The following LRRD1 variants were observed in gnomAD, a reference collection of about 807,000 sequenced individuals.
LRRD1 encodes leucine-rich repeat and death domain-containing protein 1.
Under a neutral mutation model 69.5 loss-of-function variants are expected in LRRD1, and 49 were observed. The observed-to-expected ratio is 0.70, with a 90% CI of 0.56 to 0.89. The LOEUF is 0.89. Ranked by LOEUF, LRRD1 falls within the 40% of genes least tolerant of loss-of-function variation. LRRD1 has a pLI of 0.00. For missense variants in LRRD1, 853 were observed against 956.0 expected, an observed-to-expected ratio of 0.89 and a Z score of 1.42; for synonymous variants, 303 against 338.9, an observed-to-expected ratio of 0.89 and a Z score of 1.16.
chr7:92,176,279 T>A (rs1449399330), intron 1 of LRRD1, among the ~76,000 whole-genome samples: 3 of 152,220 alleles, frequency 2.0e-5, no homozygotes, highest in African/African-American at 7.2e-5. Flanking sequence ...TTTAAAATAC[T>A]GTCATATAGA....
intron 4 of LRRD1, 24 bp from the exon 5 acceptor site, chr7:92,146,224 TG>T (rs1820319707): frequency 8.9e-7 from 1 of 1,124,876 alleles, no homozygotes; most frequent in Non-Finnish European, 1.3e-6. Flanking sequence ...TAAAATAAAA[TG>T]TATATCTTTT....
chr7:92,171,577 C>A (rs965099110), intron 1 of LRRD1, among the ~76,000 whole-genome samples: 26 of 152,144 alleles, frequency 1.7e-4, no homozygotes, highest in Admixed American at 3.9e-4. Flanking sequence ...GGCTTGACTT[C>A]TAAATTCTAC....
rs34543093 is a variant in LRRD1 at position 92,157,029 on chromosome 7, C to CT, written c.2116+1975dup. ...ATTGTATTTTTTCATATGATATTTG[C>CT]TTTTTTTTTTTTTTTTTTTGAGATG... On this transcript the variant is annotated intron_variant, in intron 3 of 5. Coordinates refer to ENST00000458448, the MANE Select transcript of LRRD1 (RefSeq NM_001161528.2). Among the ~76,000 whole-genome samples, 400 of 111,756 alleles carry CT rather than the reference C, an allele frequency of 3.6e-3. 1 individual carries two copies. The highest frequency in any genetic ancestry group is 0.028 in the South Asian group (90 of 3,230). The allele number at this position is 111,756 out of a possible 152,430, so 73.3% of individuals were successfully genotyped here.
chr7:92,144,849 T>G lies in LRRD1; in HGVS notation c.*39A>C. 7 of 1,227,470 alleles carry G rather than the reference T, an allele frequency of 5.7e-6. No homozygotes were observed. Among genetic ancestry groups the G allele is most frequent in the Non-Finnish European group, 7.8e-6 (7 of 901,702 alleles). 76.0% of individuals were successfully genotyped at this position (1,227,470 alleles called of 1,614,324 possible). ...TCACAAACACAGTTTCAATTATAAG[T>G]GCATCAAAAGTTTTCAGTTTTTATT... On this transcript the variant is annotated 3_prime_UTR_variant, in exon 6 of 6. Coordinates refer to ENST00000458448, the MANE Select transcript of LRRD1 (RefSeq NM_001161528.2).
chr7:92,171,991 G>C (rs546199300), intron 1 of LRRD1, among the ~76,000 whole-genome samples: 1 of 152,292 alleles, frequency 6.6e-6, no homozygotes, highest in African/African-American at 2.4e-5. Context: ...TGGTGTGTTG[G>C]CACATGCCTG....
chr7:92,150,605 G>A lies in LRRD1; in HGVS notation c.2207C>T (p.Pro736Leu). The A allele has an allele frequency of 6.4e-7, 1 of 1,551,444 alleles. No individual in the cohort carries two copies. The highest frequency in any genetic ancestry group is 8.7e-7 in the Non-Finnish European group (1 of 1,146,760). The change falls in exon 4 of 6, where the codon CCA becomes CTA. Residue 736 changes from proline (P) to leucine (L), a missense_variant. Coordinates refer to ENST00000458448, the MANE Select transcript of LRRD1 (RefSeq NM_001161528.2). Reference sequence around the variant, plus strand: ...CTGTTTTCCTTTACAGATTTCCACTGGAGGTCTCAGCAAAGGGTTGTCATC... The same window carrying A: ...CTGTTTTCCTTTACAGATTTCCACTAGAGGTCTCAGCAAAGGGTTGTCATC... ...NFDDNPLLRP[P>L]VEICKGKQLY...
chr7:92,162,886 T>A (rs1365058300), intron 2 of LRRD1, among the ~76,000 whole-genome samples: 1 of 152,218 alleles, frequency 6.6e-6, no homozygotes, highest in East Asian at 1.9e-4. Context: ...CTAAAAGTTG[T>A]GTCAACGTAT....
intron 3 of LRRD1, among the ~76,000 whole-genome samples, 187 bp from the exon 4 acceptor site, chr7:92,150,882 C>T (rs1369100625): frequency 3.3e-5 from 5 of 152,124 alleles, no homozygotes; most frequent in Non-Finnish European, 7.4e-5. Context: ...AGCTGTGGTT[C>T]CTTTCTCTCC....
downstream of LRRD1, chr7:92,142,223 T>A (rs1353459022): frequency 3.2e-6 from 1 of 311,054 alleles, no homozygotes; most frequent in Non-Finnish European, 6.3e-6. Flanking sequence ...ATTACAGGCA[T>A]GAGCCACCCT....
intron 4 of LRRD1, chr7:92,149,995 C>T (rs1470430493): frequency 4.7e-6 from 2 of 423,996 alleles, no homozygotes; most frequent in East Asian, 7.2e-5. Context: ...CAGCCCACCC[C>T]TCCTCCACTT....
intron 4 of LRRD1, chr7:92,149,799 T>G (rs941366529): frequency 6.0e-6 from 2 of 334,602 alleles, no homozygotes; most frequent in Non-Finnish European, 1.3e-5. Flanking sequence ...GTGATTGTCC[T>G]GCCTTGGCCT....
At chr7:92,146,614 CA>C (rs35072020) in intron 4 of LRRD1, among the ~76,000 whole-genome samples, 60,547 of 130,636 alleles carry the variant, frequency 0.46, 13,581 homozygotes, top group African/African-American at 0.61. Context: ...AAGACTGTCT[CA>C]AAAAAAAAAA....
rs770350850 is a variant in LRRD1, at chr7:92,177,228, AT to A, written c.-75+1778del. On this transcript the variant is annotated intron_variant, in intron 1 of 5. Transcript: ENST00000458448. ...CCCATGTTCATTAGTAATTTTGCTG[AT>A]TTTTTTTTAATACTCTTTGTCCAGT... Among the ~76,000 whole-genome samples, 20 of 150,708 alleles carry A rather than the reference AT, an allele frequency of 1.3e-4. No individual in the cohort carries two copies. The East Asian group carries it at 1.4e-3, about 10-fold the overall frequency.
At chr7:92,150,467 A>T in intron 4 of LRRD1, 67 bp downstream of exon 4, 2 of 1,361,872 alleles carry the variant, frequency 1.5e-6, no homozygotes, top group Non-Finnish European at 1.9e-6. Flanking sequence ...CCTGTCTCCA[A>T]AAATATTAAA....
At chr7:92,162,776 C>G (rs1417946702) in intron 2 of LRRD1, among the ~76,000 whole-genome samples, 2 of 151,890 alleles carry the variant, frequency 1.3e-5, no homozygotes, top group Admixed American at 6.6e-5. Context: ...ATGGTTATAT[C>G]AAAGAGAAAT....
chr7:92,169,506 C>G (rs897081011), intron 1 of LRRD1, among the ~76,000 whole-genome samples: 1 of 151,770 alleles, frequency 6.6e-6, no homozygotes, highest in African/African-American at 2.4e-5. Flanking sequence ...CAAAAATTAG[C>G]CGGGCGTGGT....
intron 3 of LRRD1, among the ~76,000 whole-genome samples, chr7:92,154,163 C>G (rs951950958): frequency 5.3e-5 from 8 of 152,058 alleles, no homozygotes; most frequent in South Asian, 2.1e-4. Flanking sequence ...TTGATGAAAA[C>G]CAATTTATCA....
intron 4 of LRRD1, chr7:92,150,065 T>A (rs1820426986): frequency 3.5e-6 from 1 of 286,286 alleles, no homozygotes; most frequent in South Asian, 3.1e-5. Context: ...ATCTGAATTA[T>A]CAAAACAAAC....
At chr7:92,168,995 T>C (rs1788988569) in intron 1 of LRRD1, among the ~76,000 whole-genome samples, 1 of 152,196 alleles carries the variant, frequency 6.6e-6, no homozygotes, top group Non-Finnish European at 1.5e-5. Flanking sequence ...CCTGGCTCAC[T>C]GCAACCTCTG....
Sources: gnomAD v4.1 joint callset for allele counts (sites outside exome capture counted in the v4.1 genomes callset) on GRCh38, gnomAD v4.1.1 for gene constraint, MANE v1.5 for transcripts, NCBI Gene and HGNC (gene_info 2026-07-23, HGNC 2026-07-21) for gene names.